The following DSE variants were observed in gnomAD, a reference collection of about 807,000 sequenced individuals.
DSE encodes dermatan-sulfate epimerase.
Under a neutral mutation model 84.4 loss-of-function variants are expected in DSE, and 36 were observed. That is an observed-to-expected ratio of 0.43 (90% CI 0.33 to 0.56). The LOEUF is 0.56. Ranked by LOEUF, DSE falls within the 20% of genes least tolerant of loss-of-function variation. The pLI is 0.06. For missense variants in DSE, 862 were observed against 1,169.6 expected, an observed-to-expected ratio of 0.74 and a Z score of 3.84; for synonymous variants, 410 against 430.1, an observed-to-expected ratio of 0.95 and a Z score of 0.58.
In DSE at chr6:116,435,637, C is replaced by T. The variant is rs746242827; in HGVS notation, c.1169C>T (p.Thr390Ile). 6.8e-6 allele frequency: 11 copies of T among 1,613,508 alleles called. No individual in the cohort carries two copies. Among genetic ancestry groups the T allele is most frequent in the Non-Finnish European group, 6.8e-6 (8 of 1,179,612 alleles). The part of the protein sequence containing the change: ...SVPPPDFGTP[T>I]LHYFEDWGVV... ...CCTCCTCCAGACTTTGGCACCCCTA[C>T]ACTGCATTATTTTGAAGACTGGGGT... is the stretch of plus-strand genomic sequence containing the variant. Residue 390 changes from threonine to isoleucine, a missense_variant, in exon 6 of 6, where the codon ACA becomes ATA. By Grantham distance (89) the Thr-to-Ile change is moderately conservative (BLOSUM62 -1). This residue lies in a region of DSE where 309 missense variants were observed against 516.9 expected (regional missense o/e 0.60). Transcript: ENST00000644252.
At chr6:116,325,730 A>G (rs1200127212) in intron 2 of DSE, among the ~76,000 whole-genome samples, 1 of 152,156 alleles carries the variant, frequency 6.6e-6, no homozygotes, top group African/African-American at 2.4e-5. Context: ...AAGCATTCAG[A>G]TATTTTCCTG....
Position 116,436,043 on chromosome 6 carries a change from G to C in DSE, c.1575G>C (p.Val525=). Residue 525 remains valine, a synonymous_variant, in exon 6 of 6, where the codon GTG becomes GTC. Coordinates refer to ENST00000644252, the MANE Select transcript of DSE (RefSeq NM_013352.4). The stretch of plus-strand genomic sequence containing the variant: ...TGGCAGCTAGTTGTCAGGGGAGGGT[G>C]GTTGCAGCAGAGGAGAAAAATGGGG... ...HDLAASCQGR[V]VAAEEKNGVV... The C allele has an allele frequency of 6.2e-7, 1 of 1,614,098 alleles. No homozygotes were observed. Among genetic ancestry groups the C allele is most frequent in the South Asian group, 1.1e-5 (1 of 91,066 alleles).
At chr6:116,432,075 A>T (rs1336875258) in intron 4 of DSE, among the ~76,000 whole-genome samples, 1 of 152,218 alleles carries the variant, frequency 6.6e-6, no homozygotes, top group Non-Finnish European at 1.5e-5. Context: ...CCATTTTAAG[A>T]TTTAGTTTAG....
At chr6:116,371,265 G>A in intron 1 of DSE, 144 bp downstream of exon 1, 1 of 955,732 alleles carries the variant, frequency 1.0e-6, no homozygotes, top group Non-Finnish European at 1.2e-6. Context: ...AGCGCCGCGG[G>A]TTGCGCGCCC....
intron 2 of DSE, among the ~76,000 whole-genome samples, chr6:116,406,105 C>CT (rs764681838): frequency 1.3e-5 from 2 of 152,310 alleles, no homozygotes; most frequent in East Asian, 3.9e-4. Flanking sequence ...TTTATTGACT[C>CT]TAAGATTCAG....
chr6:116,443,327 A>G lies in DSE; in HGVS notation c.*5982A>G, dbSNP rs868763504. On this transcript the variant is annotated 3_prime_UTR_variant, in exon 6 of 6. Transcript: ENST00000644252. The stretch of plus-strand genomic sequence containing the variant: ...TATAAGAAGAGCATGGTTGCCTGCC[A>G]TGGCTCTGCTGCCGTCACCCTGGCT... 6.6e-5 allele frequency: 10 copies of G among 152,230 alleles called. No individual in the cohort carries two copies. The highest frequency in any genetic ancestry group is 1.0e-4 in the Non-Finnish European group (7 of 68,022). The allele number at this position is 152,230 out of a possible 1,614,324, so 9.4% of individuals were successfully genotyped here.
chr6:116,379,309 T>C (rs1780093534), intron 1 of DSE, among the ~76,000 whole-genome samples: 1 of 152,168 alleles, frequency 6.6e-6, no homozygotes, highest in Admixed American at 6.5e-5. Context: ...AGGTTAGTCT[T>C]ATAGACTATA....
chr6:116,331,608 T>C (rs1436487163), intron 2 of DSE, among the ~76,000 whole-genome samples: 2 of 152,156 alleles, frequency 1.3e-5, no homozygotes, highest in African/African-American at 4.8e-5. Flanking sequence ...GTTACCAACA[T>C]TTCTAGGCTA....
chr6:116,325,878 CT>C (rs1403835574), intron 2 of DSE, among the ~76,000 whole-genome samples: 1 of 152,164 alleles, frequency 6.6e-6, no homozygotes, highest in African/African-American at 2.4e-5. Flanking sequence ...AGCAATTCTC[CT>C]CCCTTTTAAG....
intron 2 of DSE, among the ~76,000 whole-genome samples, chr6:116,363,611 T>G (rs1038933842): frequency 1.3e-5 from 2 of 152,160 alleles, no homozygotes; most frequent in African/African-American, 2.4e-5. Flanking sequence ...GGGTGAAAGT[T>G]TATTAAAGAT....
intron 2 of DSE, among the ~76,000 whole-genome samples, chr6:116,348,318 T>G (rs1778111071): frequency 6.6e-6 from 1 of 151,876 alleles, no homozygotes; most frequent in Admixed American, 6.6e-5. Flanking sequence ...TCCCAGCTAC[T>G]CGGGAGGCTG....
At chr6:116,278,620 G>T in intron 2 of DSE, 2 of 1,614,146 alleles carry the variant, frequency 1.2e-6, no homozygotes, top group Non-Finnish European at 8.5e-7. Context: ...GTATTGCAGT[G>T]GATTTGGCCA....
chr6:116,426,966 C>T, intron 3 of DSE, 139 bp downstream of exon 3: 1 of 1,134,712 alleles, frequency 8.8e-7, no homozygotes, highest in South Asian at 1.8e-5. Flanking sequence ...TGAAGTAGTC[C>T]CTACAGTATC....
chr6:116,258,561 G>T, exon 2 of DSE: 1 of 1,532,408 alleles, frequency 6.5e-7, no homozygotes, highest in Non-Finnish European at 9.0e-7. Context: ...CATAGGAGTT[G>T]GAGGAGCCCT....
At chr6:116,377,013 C>A (rs1015710554) in intron 1 of DSE, among the ~76,000 whole-genome samples, 1 of 152,102 alleles carries the variant, frequency 6.6e-6, no homozygotes, top group Non-Finnish European at 1.5e-5. Flanking sequence ...TCAGTGCGAA[C>A]GATAGCAGAA....
intron 2 of DSE, among the ~76,000 whole-genome samples, chr6:116,349,471 C>G (rs966777441): frequency 1.3e-5 from 2 of 152,158 alleles, no homozygotes; most frequent in African/African-American, 4.8e-5. Context: ...TCAGGGGTAG[C>G]CGGGATTGAG....
intron 2 of DSE, among the ~76,000 whole-genome samples, chr6:116,298,780 T>A (rs150617568): frequency 6.6e-6 from 1 of 152,340 alleles, no homozygotes; most frequent in Non-Finnish European, 1.5e-5. Context: ...AGCTCCAGTG[T>A]TGAAACTCAC....
At chr6:116,277,278 C>CT (rs1773188380) in intron 2 of DSE, 1 of 152,686 alleles carries the variant, frequency 6.5e-6, no homozygotes, top group African/African-American at 2.4e-5. Context: ...ATATTTAACA[C>CT]TTTAACCCCT....
intron 2 of DSE, among the ~76,000 whole-genome samples, chr6:116,324,406 T>C (rs1776505278): frequency 6.6e-6 from 1 of 152,194 alleles, no homozygotes; most frequent in Admixed American, 6.5e-5. Context: ...GTTTAGATTA[T>C]TGACAAGAAT....
Sources: gnomAD v4.1 joint callset for allele counts (sites outside exome capture counted in the v4.1 genomes callset) on GRCh38, gnomAD v4.1.1 for gene constraint, gnomAD v4.1.1 regional missense constraint, MANE v1.5 for transcripts, NCBI Gene and HGNC (gene_info 2026-07-23, HGNC 2026-07-21) for gene names.